Variants in BEST1 observed in about 807,000 individuals in gnomAD.
BEST1 encodes the protein bestrophin 1.
BEST1 carries 58 observed loss-of-function variants against 63.3 expected under a neutral mutation model. The observed-to-expected ratio is 0.92, with a 90% CI of 0.74 to 1.14. The LOEUF (loss-of-function observed/expected upper bound fraction) is 1.14, where lower values mean the gene tolerates loss of function less well. BEST1 is among the 50% of genes most tolerant of loss of function. BEST1 has a pLI of 0.00. For missense variants in BEST1, 671 were observed against 740.1 expected (o/e 0.91, Z 1.08); for synonymous variants, 283 against 291.6 (o/e 0.97, Z 0.30).
chr11:61,955,231 C>T (rs1157863494), intron 3 of BEST1, 30 bp downstream of exon 3: 1 of 1,614,064 alleles, frequency 6.2e-7, no homozygotes, highest in African/African-American at 1.3e-5. Flanking sequence ...TGTTCCGGGT[C>T]CCTGTGGCCG....
At chr11:61,958,577 CAA>C in intron 7 of BEST1, 1 of 769,200 alleles carries the variant, frequency 1.3e-6, no homozygotes, top group Non-Finnish European at 2.1e-6. Flanking sequence ...ACAACAACAA[CAA>C]AACAAAGCCC....
chr11:61,962,585 G>A lies in BEST1; in HGVS notation c.1431G>A (p.Met477Ile). ...AGACGCCCCTCAGCCCCACTCCCAT[G>A]TTCTTCCCCCTAGAACCATCAGCGC... The part of the protein sequence containing the change: ...APQTPLSPTP[M>I]FFPLEPSAPS... The change falls in exon 10 of 11, where the codon ATG becomes ATA. Residue 477 changes from methionine (M) to isoleucine (I), a missense_variant. Coordinates refer to ENST00000378043, the MANE Select transcript of BEST1 (RefSeq NM_004183.4). The A allele has an allele frequency of 1.2e-6, 2 of 1,614,142 alleles. No individual in the cohort carries two copies. The highest frequency in any genetic ancestry group is 2.2e-5 in the East Asian group (1 of 44,880).
At chr11:61,955,651 G>A (rs956790856) in intron 3 of BEST1, 67 bp from the exon 4 acceptor site, 10 of 1,480,732 alleles carry the variant, frequency 6.8e-6, no homozygotes, top group African/African-American at 1.4e-5. Flanking sequence ...GCATCGCCGG[G>A]CGCTGGGCCC....
chr11:61,963,162 C>T (rs1397060099), intron 10 of BEST1: 2 of 1,446,366 alleles, frequency 1.4e-6, no homozygotes, highest in East Asian at 2.5e-5. Flanking sequence ...TTGTGCTGAC[C>T]AGAATGCTGC....
intron 10 of BEST1, chr11:61,963,141 G>A (rs957950813): frequency 2.1e-6 from 3 of 1,456,630 alleles, no homozygotes; most frequent in Non-Finnish European, 2.7e-6. Context: ...ACCAGGTGAA[G>A]GAAGATGAGG....
chr11:61,962,297 CGAG>C lies in BEST1; in HGVS notation c.1149_1151del (p.Glu383del). On this transcript the variant is annotated inframe_deletion, in exon 10 of 11. Transcript: ENST00000378043. ...TGGAGTTCCAGCCCAATCAGGAGGA[CGAG>C]GAGGATGCTCACGCTGGCATCATTG... is the stretch of plus-strand genomic sequence containing the variant. 1 of 1,614,158 alleles carries C rather than the reference CGAG, an allele frequency of 6.2e-7. No individual in the cohort carries two copies. The highest frequency in any genetic ancestry group is 8.5e-7 in the Non-Finnish European group (1 of 1,180,022).
chr11:61,963,508 T>C lies in BEST1; in HGVS notation c.1740-596T>C, dbSNP rs780866107. Reference sequence around the variant, plus strand: ...TGTCACAAAATCAGATATTTCCCTTTATTCCAGATTTCCTGGACACTTTCA... The same window carrying C: ...TGTCACAAAATCAGATATTTCCCTTCATTCCAGATTTCCTGGACACTTTCA... On this transcript the variant is annotated intron_variant, in intron 10 of 10. Coordinates refer to ENST00000378043, the MANE Select transcript of BEST1 (RefSeq NM_004183.4). 3 of 1,049,050 alleles carry C rather than the reference T, an allele frequency of 2.9e-6. No homozygotes were observed. In the South Asian group the frequency reaches 1.2e-4, roughly 41 times the overall value. 65.0% of individuals were successfully genotyped at this position (1,049,050 alleles called of 1,614,324 possible).
In BEST1 at chr11:61,962,628, G is replaced by A. The variant is rs111326315; in HGVS notation, c.1474G>A (p.Val492Ile). The change falls in exon 10 of 11, where the codon GTC (valine) becomes ATC (isoleucine). Residue 492 changes from valine to isoleucine, a missense_variant. Transcript: ENST00000378043. ...ATCAGCGCCGTCAAAGCTTCACAGT[G>A]TCACAGGCATAGACACCAAAGACAA... Reference protein sequence around the residue: ...EPSAPSKLHSVTGIDTKDKSL... With the variant: ...EPSAPSKLHSITGIDTKDKSL... The A allele has an allele frequency of 1.7e-3, 2,782 of 1,614,152 alleles. 33 individuals are homozygous for A. In the African/African-American group the frequency reaches 0.028, roughly 16 times the overall value.
chr11:61,957,011 TAC>T lies in BEST1; in HGVS notation c.636+15_636+16del, dbSNP rs763222021. On this transcript the variant is annotated intron_variant, in intron 5 of 10. Transcript: ENST00000378043. ...GAGCCTGCTGAACGTGAGCCCACTG[TAC>T]AGACAGGGCTGCCGCAGAGTGGGAA... 6.2e-7 allele frequency: 1 copy of T among 1,614,088 alleles called. No homozygotes were observed. Among genetic ancestry groups the T allele is most frequent in the Non-Finnish European group, 8.5e-7 (1 of 1,180,004 alleles).
intron 7 of BEST1, chr11:61,958,953 C>T (rs898184417): frequency 1.1e-4 from 27 of 248,296 alleles, no homozygotes; most frequent in Non-Finnish European, 1.9e-4. Flanking sequence ...TTCCCCCTGC[C>T]CCCCCAGTTA....
At chr11:61,960,093 G>A (rs1262055827) in intron 9 of BEST1, 50 bp downstream of exon 9, 1 of 1,583,276 alleles carries the variant, frequency 6.3e-7, no homozygotes, top group Non-Finnish European at 8.6e-7. Context: ...TAGTGCAGGG[G>A]TCTGCCTAGG....
At position 61,964,434 on chromosome 11, in the gene BEST1, A is replaced by G. The variant is rs1011603474; in HGVS notation, c.*312A>G. The G allele has an allele frequency of 1.3e-5, 8 of 614,702 alleles. No individual in the cohort carries two copies. Among genetic ancestry groups the G allele is most frequent in the Non-Finnish European group, 2.3e-5 (8 of 354,438 alleles). 38.1% of individuals were successfully genotyped at this position (614,702 alleles called of 1,614,324 possible). A position where few individuals can be genotyped will look rare whatever the true frequency, so the allele number is the denominator to read the frequency against. ...ACACCTTAGTATACTGCCCAAACTAATGAGTTTAATAAATACAAATACTCG... is the reference window on the plus strand; with the variant it reads ...ACACCTTAGTATACTGCCCAAACTAGTGAGTTTAATAAATACAAATACTCG... On this transcript the variant is annotated 3_prime_UTR_variant, in exon 11 of 11. Coordinates refer to ENST00000378043, the MANE Select transcript of BEST1 (RefSeq NM_004183.4).
chr11:61,958,405 T>C, intron 7 of BEST1, 107 bp downstream of exon 7: 1 of 1,582,736 alleles, frequency 6.3e-7, no homozygotes, highest in Non-Finnish European at 8.6e-7. Context: ...GTCTCACGGG[T>C]AGAAAGCAGC....
intron 7 of BEST1, 70 bp downstream of exon 7, chr11:61,958,368 A>G: frequency 6.2e-7 from 1 of 1,611,056 alleles, no homozygotes; most frequent in Non-Finnish European, 8.5e-7. Context: ...GCTGCCTGAG[A>G]CGAGGATGCA....
chr11:61,959,630 C>T lies in BEST1; in HGVS notation c.948+52C>T, dbSNP rs535840472. On this transcript the variant is annotated intron_variant, in intron 8 of 10. Transcript: ENST00000378043. ...CCATGGACCTTCCCCAAAGTGGACC[C>T]AAAGAGAGGACCCCACTGTTCTGTA... 31 of 1,589,538 alleles carry T rather than the reference C, an allele frequency of 2.0e-5. No individual in the cohort carries two copies. The South Asian group carries it at 3.0e-4, about 15-fold the overall frequency.
intron 2 of BEST1, among the ~76,000 whole-genome samples, chr11:61,952,566 A>G (rs914507027): frequency 4.0e-5 from 6 of 148,608 alleles, no homozygotes; most frequent in African/African-American, 1.5e-4. Context: ...TCCCAGGTGC[A>G]AGCGATTCTC....
intron 6 of BEST1, 117 bp from the exon 7 acceptor site, chr11:61,958,029 A>G: frequency 6.5e-7 from 1 of 1,534,414 alleles, no homozygotes; most frequent in South Asian, 1.1e-5. Flanking sequence ...AAGTCACATA[A>G]GTGTGCAAGT....
At chr11:61,963,838 T>G (rs1942322962) in intron 10 of BEST1, 1 of 1,288,730 alleles carries the variant, frequency 7.8e-7, no homozygotes, top group Admixed American at 3.4e-5. Context: ...ACCCCATCTC[T>G]ACCAAAAAAA....
At position 61,955,837 on chromosome 11, in the gene BEST1, C is replaced by T; in HGVS notation, c.367C>T (p.Leu123=). The change falls in exon 4 of 11, where the codon CTG becomes TTG. Residue 123 remains leucine, a synonymous_variant. Coordinates refer to ENST00000378043, the MANE Select transcript of BEST1 (RefSeq NM_004183.4). ...FVEGKDEQGR[L]LRRTLIRYAN... is the part of the protein sequence containing the mutation. Reference sequence around the variant, plus strand: ...CGAAGGCAAGGACGAGCAAGGCCGGCTGCTGCGGCGCACGCTCATCCGCTA... The same window carrying T: ...CGAAGGCAAGGACGAGCAAGGCCGGTTGCTGCGGCGCACGCTCATCCGCTA... 1 of 1,550,484 alleles carries T rather than the reference C, an allele frequency of 6.4e-7. No homozygotes were observed. The highest frequency in any genetic ancestry group is 8.7e-7 in the Non-Finnish European group (1 of 1,146,902).
Sources: allele counts gnomAD v4.1 joint callset (sites outside exome capture counted in the v4.1 genomes callset), GRCh38; gene constraint gnomAD v4.1.1; transcripts MANE v1.5; gene names NCBI Gene and HGNC (gene_info 2026-07-23, HGNC 2026-07-21).